TBL1X: variants seen among roughly 807,000 people sequenced by gnomAD.
TBL1X encodes F-box-like/WD repeat-containing protein TBL1X.
In TBL1X, 10 loss-of-function variants were observed where a neutral mutation model predicts 50.7. The ratio of observed to expected loss-of-function variants is 0.20; its 90% CI spans 0.12 to 0.33. TBL1X has a LOEUF of 0.33. TBL1X is among the 10% of genes least tolerant of loss of function. TBL1X has a pLI of 1.00. For missense variants in TBL1X, 340 were observed against 504.4 expected (o/e 0.67, Z 3.12); for synonymous variants, 190 against 214.7 (o/e 0.88, Z 1.01).
intron 2 of TBL1X, among the ~76,000 whole-genome samples, chrX:9,539,599 A>C (rs1231611782): frequency 8.9e-6 from 1 of 111,889 alleles, no homozygotes; most frequent in Admixed American, 9.5e-5. Context: ...TGGGCTACTC[A>C]TCAGTGTTCT....
rs760068167 is a variant in TBL1X, at chrX:9,570,376, G to A, written c.-131+68527G>A. Among the ~76,000 whole-genome samples the A allele has an allele frequency of 9.8e-5, 11 of 111,827 alleles. No homozygotes were observed. In the South Asian group the frequency reaches 4.1e-3, roughly 42 times the overall value. On this transcript the variant is annotated intron_variant, in intron 2 of 17. Coordinates refer to ENST00000645353, the MANE Select transcript of TBL1X (RefSeq NM_005647.4). ...CAAGCCCAAGAGACAGGAATGGGAC[G>A]TGGGGAGCGCGTACCCTCTTCTCAA...
Position 9,544,459 on chromosome X carries a change from G to A in TBL1X, c.-131+42610G>A, listed in dbSNP as rs1243063529. ...GCAAAAGTGCTGTTAACTAGACGGC[G>A]TGGTACAAATGCAAAGTGAGTGGGT... On this transcript the variant is annotated intron_variant, in intron 2 of 17. Coordinates refer to ENST00000645353, the MANE Select transcript of TBL1X (RefSeq NM_005647.4). Among the ~76,000 whole-genome samples, 3 of 111,855 alleles carry A rather than the reference G, an allele frequency of 2.7e-5. No individual in the cohort carries two copies. The East Asian group carries it at 8.4e-4, about 31-fold the overall frequency.
At chrX:9,491,306 TTATA>T (rs757466880) in intron 1 of TBL1X, among the ~76,000 whole-genome samples, 47 of 51,883 alleles carry the variant, frequency 9.1e-4, no homozygotes, top group African/African-American at 1.8e-3. Context: ...GCCAGTATAT[TTATA>T]TATATATATA....
intron 2 of TBL1X, among the ~76,000 whole-genome samples, chrX:9,600,002 C>T (rs777379758): frequency 1.8e-5 from 2 of 111,686 alleles, no homozygotes; most frequent in South Asian, 7.5e-4. Context: ...TCAGTAGACA[C>T]ACTAAACCTG....
intron 5 of TBL1X, among the ~76,000 whole-genome samples, chrX:9,659,723 C>T (rs1242822916): frequency 1.8e-5 from 2 of 112,051 alleles, no homozygotes; most frequent in Non-Finnish European, 3.8e-5. Flanking sequence ...CAGGACACGT[C>T]GTAAACATGA....
chrX:9,484,317 T>C (rs867327277), intron 1 of TBL1X, among the ~76,000 whole-genome samples: 12 of 108,835 alleles, frequency 1.1e-4, no homozygotes, highest in African/African-American at 4.1e-4. Flanking sequence ...CGTTTTTTCA[T>C]ACACACACAC....
At chrX:9,479,156 C>A (rs2081865552) in intron 1 of TBL1X, among the ~76,000 whole-genome samples, 1 of 113,134 alleles carries the variant, frequency 8.8e-6, no homozygotes, top group African/African-American at 3.2e-5. Context: ...TTATATAAAA[C>A]AGCTCTAAAT....
intron 6 of TBL1X, among the ~76,000 whole-genome samples, chrX:9,687,136 C>T (rs751784242): frequency 8.9e-6 from 1 of 112,123 alleles, no homozygotes; most frequent in Non-Finnish European, 1.9e-5. Flanking sequence ...GAATATCTGG[C>T]GTGTTTCACA....
chrX:9,558,533 G>GA (rs912580160), intron 2 of TBL1X, among the ~76,000 whole-genome samples: 1,484 of 106,688 alleles, frequency 0.014, 25 homozygotes, highest in African/African-American at 0.047. Flanking sequence ...AAAAAGGAAG[G>GA]AAAAAAAAAT....
intron 2 of TBL1X, among the ~76,000 whole-genome samples, chrX:9,616,790 A>G (rs5979136): frequency 0.32 from 34,879 of 110,489 alleles, 4,670 homozygotes; most frequent in East Asian, 0.7. Context: ...TCCTCAGTGT[A>G]TGGGTTCTGA....
chrX:9,476,783 G>A (rs2081852223), intron 1 of TBL1X, among the ~76,000 whole-genome samples: 1 of 102,322 alleles, frequency 9.8e-6, no homozygotes, highest in Admixed American at 1.1e-4. Context: ...TAACTTATTA[G>A]GAAGACAGGA....
intron 2 of TBL1X, among the ~76,000 whole-genome samples, chrX:9,509,649 C>G (rs149753111): frequency 0.091 from 9,782 of 107,714 alleles, 358 homozygotes; most frequent in South Asian, 0.17. Context: ...CCATGCCTGG[C>G]TAATTTTTGT....
At chrX:9,498,843 T>A (rs1306833351) in intron 1 of TBL1X, among the ~76,000 whole-genome samples, 1 of 112,316 alleles carries the variant, frequency 8.9e-6, no homozygotes, top group African/African-American at 3.2e-5. Context: ...TGCTGAGATC[T>A]GAGCCCAAGG....
intron 2 of TBL1X, among the ~76,000 whole-genome samples, chrX:9,541,609 A>T (rs1276980902): frequency 8.9e-6 from 1 of 112,773 alleles, no homozygotes; most frequent in Admixed American, 9.3e-5. Context: ...GCCGCAGAAG[A>T]TACTTAAGAC....
At chrX:9,617,689 G>A (rs147991434) in intron 2 of TBL1X, among the ~76,000 whole-genome samples, 1 of 112,056 alleles carries the variant, frequency 8.9e-6, no homozygotes, top group Non-Finnish European at 1.9e-5. Context: ...CTGACCTGTG[G>A]GGTCACACTT....
At chrX:9,711,543 A>G in intron 15 of TBL1X, 68 bp from the exon 16 acceptor site, 1 of 988,568 alleles carries the variant, frequency 1.0e-6, no homozygotes, top group Non-Finnish European at 1.3e-6. Context: ...GAGATCTGAT[A>G]CACATTATGG....
intron 2 of TBL1X, among the ~76,000 whole-genome samples, chrX:9,523,788 G>C (rs745715938): frequency 1.8e-5 from 2 of 111,408 alleles, no homozygotes; most frequent in South Asian, 7.5e-4. Flanking sequence ...TGTAGTCATC[G>C]AGTGAAGCCG....
chrX:9,572,443 A>G (rs988793481), intron 2 of TBL1X, among the ~76,000 whole-genome samples: 1 of 112,756 alleles, frequency 8.9e-6, no homozygotes, highest in Non-Finnish European at 1.9e-5. Flanking sequence ...TAAACTTTCA[A>G]TCCGTGTGTA....
At chrX:9,564,530 TGAGAC>T (rs1196510457) in intron 2 of TBL1X, among the ~76,000 whole-genome samples, 1 of 109,499 alleles carries the variant, frequency 9.1e-6, no homozygotes, top group African/African-American at 3.3e-5. Context: ...GTCAAGAGAT[TGAGAC>T]CATCCTGGCC....
Sources: allele counts gnomAD v4.1 joint callset (sites outside exome capture counted in the v4.1 genomes callset), GRCh38; gene constraint gnomAD v4.1.1; transcripts MANE v1.5; gene names NCBI Gene and HGNC (gene_info 2026-07-23, HGNC 2026-07-21).